USPL1: variants seen among roughly 807,000 people sequenced by gnomAD.
The protein encoded by USPL1 is SUMO-specific isopeptidase USPL1.
Under a neutral mutation model 51.5 loss-of-function variants are expected in USPL1, and 27 were observed. The ratio of observed to expected loss-of-function variants is 0.52; its 90% CI spans 0.39 to 0.72. The LOEUF (loss-of-function observed/expected upper bound fraction) is 0.72. Among genes scored for constraint, USPL1 ranks in the 30% least tolerant of loss-of-function variants. USPL1 has a pLI of 0.00. For synonymous variants in USPL1, 451 were observed against 459.6 expected (o/e 0.98, Z 0.24); for missense variants, 1,226 against 1,268.0 (o/e 0.97, Z 0.50).
intron 1 of USPL1, among the ~76,000 whole-genome samples, chr13:30,618,402 C>T (rs191761497): frequency 1.3e-5 from 2 of 152,018 alleles, no homozygotes; most frequent in Non-Finnish European, 1.5e-5. Context: ...GGGTTTGGTA[C>T]CTGACAGGGC....
intron 5 of USPL1, among the ~76,000 whole-genome samples, chr13:30,640,684 C>T (rs1271444126): frequency 1.3e-5 from 2 of 152,134 alleles, no homozygotes; most frequent in African/African-American, 4.8e-5. Context: ...GTGCGAAACT[C>T]CTTCTCAAAA....
At position 30,630,902 on chromosome 13, in the gene USPL1, C is replaced by G; in HGVS notation, c.296C>G (p.Thr99Ser). 5.6e-6 allele frequency: 9 copies of G among 1,613,984 alleles called. No homozygotes were observed. Among genetic ancestry groups the G allele is most frequent in the Non-Finnish European group, 7.6e-6 (9 of 1,180,006 alleles). ...TCTCCTGATTTGGAAGAATGTCACACTCCACATAAGCCTCAGAAAAGGAAG... is the reference window on the plus strand; with the variant it reads ...TCTCCTGATTTGGAAGAATGTCACAGTCCACATAAGCCTCAGAAAAGGAAG... ...LISPDLEECH[T>S]PHKPQKRKSL... The change falls in exon 4 of 9, where the codon ACT becomes AGT. Residue 99 changes from threonine to serine, a missense_variant. By Grantham distance (58) the Thr-to-Ser change is moderately conservative. Coordinates refer to ENST00000255304, the MANE Select transcript of USPL1 (RefSeq NM_005800.5).
At chr13:30,640,836 T>C (rs1329292337) in intron 5 of USPL1, among the ~76,000 whole-genome samples, 1 of 152,256 alleles carries the variant, frequency 6.6e-6, no homozygotes, top group Non-Finnish European at 1.5e-5. Context: ...GCTTGTATTA[T>C]ACTCATCTAC....
intron 2 of USPL1, among the ~76,000 whole-genome samples, 175 bp from the exon 3 acceptor site, chr13:30,621,589 T>A (rs563066093): frequency 1.3e-5 from 2 of 152,104 alleles, no homozygotes; most frequent in Non-Finnish European, 2.9e-5. Flanking sequence ...TTTGGAATAA[T>A]AGCTGTATTT....
At chr13:30,645,066 A>G (rs565105498) in intron 6 of USPL1, among the ~76,000 whole-genome samples, 1 of 152,358 alleles carries the variant, frequency 6.6e-6, no homozygotes, top group African/African-American at 2.4e-5. Flanking sequence ...TTGATTCCCA[A>G]GATGACACAC....
intron 8 of USPL1, among the ~76,000 whole-genome samples, chr13:30,656,871 G>A (rs987742714): frequency 6.7e-6 from 1 of 149,646 alleles, no homozygotes; most frequent in Non-Finnish European, 1.5e-5. Flanking sequence ...CCTAATGGGT[G>A]TCTTTTTTTT....
In USPL1 at chr13:30,658,117, T is replaced by G; in HGVS notation, c.2040T>G (p.Asn680Lys). The G allele has an allele frequency of 6.2e-7, 1 of 1,613,724 alleles. No homozygotes were observed. The highest frequency in any genetic ancestry group is 8.5e-7 in the Non-Finnish European group (1 of 1,180,016). The change falls in exon 9 of 9, where the codon AAT becomes AAG. Residue 680 changes from asparagine (N) to lysine (K), a missense_variant. Asn to Lys is a moderately conservative substitution (Grantham distance 94). Coordinates refer to ENST00000255304, the MANE Select transcript of USPL1 (RefSeq NM_005800.5). ...TEDTVNTKSV[N>K]NTDATGLIQG... Reference sequence around the variant, plus strand: ...ATACTGTAAATACTAAATCTGTGAATAATACTGATGCTACTGGTCTTATAC... The same window carrying G: ...ATACTGTAAATACTAAATCTGTGAAGAATACTGATGCTACTGGTCTTATAC...
Position 30,659,329 on chromosome 13 carries a change from C to T in USPL1, c.3252C>T (p.Phe1084=), listed in dbSNP as rs753969234. The T allele has an allele frequency of 4.2e-5, 67 of 1,598,474 alleles. No homozygotes were observed. In the South Asian group the frequency reaches 4.5e-4, roughly 11 times the overall value. The change falls in exon 9 of 9, where the codon TTC becomes TTT. Residue 1084 remains phenylalanine (F), a synonymous_variant. Transcript: ENST00000255304. Reference sequence around the variant, plus strand: ...ATGACACATTAGACCTACCTCATTTCGATGAATATCTGTTTGAGAATTATT... The same window carrying T: ...ATGACACATTAGACCTACCTCATTTTGATGAATATCTGTTTGAGAATTATT... ...LANDTLDLPH[F]DEYLFENY is the part of the protein sequence containing the mutation.
chr13:30,636,984 T>A (rs1950884992), intron 4 of USPL1, among the ~76,000 whole-genome samples: 1 of 152,232 alleles, frequency 6.6e-6, no homozygotes, highest in Non-Finnish European at 1.5e-5. Context: ...GCATCTCACT[T>A]GCCCAGGCTG....
At chr13:30,622,180 A>G (rs1459101569) in intron 3 of USPL1, among the ~76,000 whole-genome samples, 1 of 151,880 alleles carries the variant, frequency 6.6e-6, no homozygotes, top group African/African-American at 2.4e-5. Flanking sequence ...AGCTATTAGC[A>G]TATAGTAGTT....
At chr13:30,623,230 G>T (rs1401333717) in intron 3 of USPL1, among the ~76,000 whole-genome samples, 2 of 152,096 alleles carry the variant, frequency 1.3e-5, no homozygotes, top group Admixed American at 1.3e-4. Context: ...GGAAGGCCCT[G>T]AGAGAATGGA....
intron 5 of USPL1, among the ~76,000 whole-genome samples, chr13:30,640,646 C>T (rs772479171): frequency 1.3e-4 from 20 of 152,166 alleles, no homozygotes; most frequent in Non-Finnish European, 2.6e-4. Flanking sequence ...GCAGAGATTG[C>T]GCCATTGCAC....
chr13:30,646,892 C>G (rs1951024675), intron 6 of USPL1, 40 bp from the exon 7 acceptor site: 6 of 1,581,436 alleles, frequency 3.8e-6, no homozygotes, highest in South Asian at 1.2e-5. Context: ...AATGTAAATG[C>G]ATTTAACGTT....
intron 8 of USPL1, among the ~76,000 whole-genome samples, chr13:30,655,892 G>C (rs576380291): frequency 6.6e-6 from 1 of 152,336 alleles, no homozygotes; most frequent in Non-Finnish European, 1.5e-5. Context: ...CATAGAAATA[G>C]AGTAAGCTAC....
At position 30,655,093 on chromosome 13, in the gene USPL1, A is replaced by G. The variant is rs142575704; in HGVS notation, c.1396+1788A>G. Among the ~76,000 whole-genome samples, 66 of 152,078 alleles carry G rather than the reference A, an allele frequency of 4.3e-4. No homozygotes were observed. In the East Asian group the frequency reaches 0.01, roughly 24 times the overall value. ...AGCCGGAATACACGCAGGCGCTACC[A>G]TGCCCGGCTAATTTTGTATTTTTAG... On this transcript the variant is annotated intron_variant, in intron 8 of 8. Coordinates refer to ENST00000255304, the MANE Select transcript of USPL1 (RefSeq NM_005800.5).
In USPL1 at chr13:30,631,231, A is replaced by C; in HGVS notation, c.625A>C (p.Lys209Gln). Residue 209 changes from lysine (K) to glutamine (Q), a missense_variant, in exon 4 of 9, where the codon AAA becomes CAA. Physicochemically the swap from Lys to Gln is moderately conservative, Grantham distance 53. Transcript: ENST00000255304. Reference sequence around the variant, plus strand: ...CCCTCAAAATGAAGGATGTACATCTAAACTGGAAATGCCACTGGAGAGCAA... The same window carrying C: ...CCCTCAAAATGAAGGATGTACATCTCAACTGGAAATGCCACTGGAGAGCAA... ...PSPQNEGCTS[K>Q]LEMPLESKCT... The C allele has an allele frequency of 1.2e-6, 2 of 1,614,190 alleles. No individual in the cohort carries two copies. Among genetic ancestry groups the C allele is most frequent in the Non-Finnish European group, 1.7e-6 (2 of 1,180,028 alleles).
In USPL1 at chr13:30,660,539, GT is replaced by G. The variant is rs1951246095; in HGVS notation, c.*1185del. 6.6e-6 allele frequency: 1 copy of G among 152,238 alleles called. No homozygotes were observed. The highest frequency in any genetic ancestry group is 2.4e-5 in the African/African-American group (1 of 41,462). The allele number at this position is 152,238 out of a possible 1,614,324, so 9.4% of individuals were successfully genotyped here. On this transcript the variant is annotated 3_prime_UTR_variant, in exon 9 of 9. Transcript: ENST00000255304. ...AGTTCAAGAGTTTATGCAGATTTAA[GT>G]TGTATACGGTATATGAATGTGTGAC...
rs536264222 is a variant in USPL1 at position 30,660,393 on chromosome 13, G to A, written c.*1037G>A. ...AGCACTTCCGAGCCTGCAAAAGCAG[G>A]CCCCCAAAAGTGCAGGGATGCCTGA... On this transcript the variant is annotated 3_prime_UTR_variant, in exon 9 of 9. Coordinates refer to ENST00000255304, the MANE Select transcript of USPL1 (RefSeq NM_005800.5). The A allele has an allele frequency of 1.1e-4, 16 of 152,380 alleles. No individual in the cohort carries two copies. Among genetic ancestry groups the A allele is most frequent in the African/African-American group, 3.8e-4 (16 of 41,588 alleles). 9.4% of individuals were successfully genotyped at this position (152,380 alleles called of 1,614,324 possible). A position where few individuals can be genotyped will look rare whatever the true frequency, so the allele number is the denominator to read the frequency against.
chr13:30,627,604 A>G (rs1203642204), intron 3 of USPL1, among the ~76,000 whole-genome samples: 1 of 151,916 alleles, frequency 6.6e-6, no homozygotes, highest in Non-Finnish European at 1.5e-5. Flanking sequence ...AGTAGGATGC[A>G]TATACCATGA....
Sources: allele counts gnomAD v4.1 joint callset (sites outside exome capture counted in the v4.1 genomes callset), GRCh38; gene constraint gnomAD v4.1.1; transcripts MANE v1.5; gene names NCBI Gene and HGNC (gene_info 2026-07-23, HGNC 2026-07-21).